Variants in VRK1 observed in about 807,000 individuals in gnomAD.
VRK1 encodes the protein VRK serine/threonine kinase 1, also known as serine/threonine-protein kinase VRK1.
VRK1 carries 33 observed loss-of-function variants against 57.1 expected under a neutral mutation model. That is an observed-to-expected ratio of 0.58 (90% CI 0.44 to 0.77). VRK1 has a LOEUF of 0.77. Among genes scored for constraint, VRK1 ranks in the 30% least tolerant of loss-of-function variants. The pLI is 0.00. For missense variants in VRK1, 413 were observed against 477.3 expected, an observed-to-expected ratio of 0.87 and a Z score of 1.25; for synonymous variants, 137 against 147.8, an observed-to-expected ratio of 0.93 and a Z score of 0.53.
intron 11 of VRK1, 85 bp downstream of exon 11, chr14:96,860,820 A>G (rs749231915): frequency 8.4e-5 from 122 of 1,447,962 alleles, no homozygotes; most frequent in Middle Eastern, 2.1e-4. Context: ...CAGTAGTTCA[A>G]TGAAGAACAA....
At chr14:96,863,180 AAC>A (rs1363109819) in intron 11 of VRK1, among the ~76,000 whole-genome samples, 2 of 152,234 alleles carry the variant, frequency 1.3e-5, no homozygotes, top group African/African-American at 4.8e-5. Flanking sequence ...GCTGAAGGAG[AAC>A]AGAGAGATCA....
At chr14:96,797,840 C>T (rs1326392213) in intron 1 of VRK1, among the ~76,000 whole-genome samples, 1 of 152,244 alleles carries the variant, frequency 6.6e-6, no homozygotes, top group East Asian at 1.9e-4. Context: ...GAGGCCCCTG[C>T]CCCGCAGAGC....
intron 2 of VRK1, among the ~76,000 whole-genome samples, chr14:96,833,909 C>T (rs17094508): frequency 2.0e-5 from 3 of 152,122 alleles, no homozygotes; most frequent in Non-Finnish European, 2.9e-5. Context: ...TCTTTTGAGA[C>T]CCAAAGAAAC....
At chr14:96,838,785 T>C (rs1420258833) in intron 3 of VRK1, among the ~76,000 whole-genome samples, 2 of 152,166 alleles carry the variant, frequency 1.3e-5, no homozygotes, top group Non-Finnish European at 2.9e-5. Flanking sequence ...ACTCTGAAGG[T>C]TTTCATTTTG....
rs772730428 is a variant in VRK1, at chr14:96,855,262, C to T, written c.615C>T (p.Cys205=). ...LVDYGLAYRY[C]PEGVHKEYKE... ...ATTATGGCCTTGCTTATCGGTACTG[C>T]CCAGAAGGAGTTCATAAAGAATACA... The change falls in exon 8 of 13, where the codon TGC becomes TGT. Residue 205 remains cysteine (C), a synonymous_variant. Transcript: ENST00000216639. The T allele has an allele frequency of 3.1e-6, 5 of 1,613,878 alleles. No individual in the cohort carries two copies. The highest frequency in any genetic ancestry group is 4.2e-6 in the Non-Finnish European group (5 of 1,179,932).
chr14:96,878,940 C>T (rs1005826201), intron 12 of VRK1, among the ~76,000 whole-genome samples: 1 of 152,102 alleles, frequency 6.6e-6, no homozygotes, highest in Non-Finnish European at 1.5e-5. Flanking sequence ...TTTCCCCCCT[C>T]CTGTTCATAA....
intron 2 of VRK1, among the ~76,000 whole-genome samples, chr14:96,835,749 T>C (rs1239471528): frequency 6.6e-6 from 1 of 152,202 alleles, no homozygotes; most frequent in Admixed American, 6.5e-5. Context: ...TCCTATTGCT[T>C]TACCTGGGTG....
chr14:96,869,792 G>A (rs1484906537), intron 11 of VRK1, among the ~76,000 whole-genome samples: 1 of 152,010 alleles, frequency 6.6e-6, no homozygotes, highest in Non-Finnish European at 1.5e-5. Context: ...TTCTGCCTGC[G>A]TGTTTAGGAA....
chr14:96,810,559 T>C (rs979375995), intron 1 of VRK1, among the ~76,000 whole-genome samples: 20 of 152,210 alleles, frequency 1.3e-4, no homozygotes, highest in Admixed American at 3.9e-4. Flanking sequence ...ACAGGTGGCA[T>C]TGGGTCTGTT....
At chr14:96,800,315 C>T (rs1484962978) in intron 1 of VRK1, among the ~76,000 whole-genome samples, 2 of 152,044 alleles carry the variant, frequency 1.3e-5, no homozygotes, top group Non-Finnish European at 1.5e-5. Context: ...ATGCACTTTC[C>T]CAATTACTCC....
chr14:96,799,326 C>CT (rs139450664), intron 1 of VRK1, among the ~76,000 whole-genome samples: 6,771 of 147,282 alleles, frequency 0.046, 205 homozygotes, highest in South Asian at 0.097. Context: ...AATAGGCCAG[C>CT]TTTTTTTTTT....
chr14:96,817,601 C>G (rs1351637188), intron 1 of VRK1, among the ~76,000 whole-genome samples: 2 of 151,944 alleles, frequency 1.3e-5, no homozygotes, highest in African/African-American at 4.8e-5. Context: ...TAGAGCCCTG[C>G]CCCAAGACTA....
intron 1 of VRK1, among the ~76,000 whole-genome samples, chr14:96,825,961 TTG>T (rs1486889701): frequency 6.6e-6 from 1 of 152,138 alleles, no homozygotes; most frequent in Non-Finnish European, 1.5e-5. Context: ...ATTTTCCAGT[TTG>T]TGTATGATGA....
intron 1 of VRK1, among the ~76,000 whole-genome samples, chr14:96,805,440 A>G (rs1885834177): frequency 6.6e-6 from 1 of 152,218 alleles, no homozygotes; most frequent in African/African-American, 2.4e-5. Flanking sequence ...ATTCATGAGC[A>G]AAAGTACTCA....
At chr14:96,881,053 A>G (rs1889239128) in intron 12 of VRK1, 124 bp from the exon 13 acceptor site, 1 of 871,856 alleles carries the variant, frequency 1.1e-6, no homozygotes, top group Non-Finnish European at 1.7e-6. Context: ...TTATCTTTGC[A>G]AATCACGAGA....
intron 11 of VRK1, among the ~76,000 whole-genome samples, chr14:96,870,090 T>C (rs1434237732): frequency 6.6e-6 from 1 of 152,210 alleles, no homozygotes; most frequent in African/African-American, 2.4e-5. Context: ...GGTAATAGGA[T>C]ATTGACCCTT....
Position 96,800,514 on chromosome 14 carries a change from C to T in VRK1, c.-6+3067C>T, listed in dbSNP as rs547377495. On this transcript the variant is annotated intron_variant, in intron 1 of 12. Coordinates refer to ENST00000216639, the MANE Select transcript of VRK1 (RefSeq NM_003384.3). The stretch of plus-strand genomic sequence containing the variant: ...GATTTTTAGTATTCATCAATAAATA[C>T]TGATGAGAAGAAACTGCTCTACTTT... Among the ~76,000 whole-genome samples, 11 of 152,236 alleles carry T rather than the reference C, an allele frequency of 7.2e-5. No individual in the cohort carries two copies. The South Asian group carries it at 2.3e-3, about 32-fold the overall frequency.
At chr14:96,838,881 T>TA (rs953656015) in intron 3 of VRK1, among the ~76,000 whole-genome samples, 2 of 151,344 alleles carry the variant, frequency 1.3e-5, no homozygotes, top group African/African-American at 4.8e-5. Flanking sequence ...TAAACTTTTT[T>TA]AAAAAAATTG....
At chr14:96,810,723 G>A (rs1886158689) in intron 1 of VRK1, among the ~76,000 whole-genome samples, 1 of 152,138 alleles carries the variant, frequency 6.6e-6, no homozygotes, top group Non-Finnish European at 1.5e-5. Flanking sequence ...TTTTCATTCT[G>A]ACTGTGGTTT....
Sources: allele counts gnomAD v4.1 joint callset (sites outside exome capture counted in the v4.1 genomes callset), GRCh38; gene constraint gnomAD v4.1.1; transcripts MANE v1.5; gene names NCBI Gene and HGNC (gene_info 2026-07-23, HGNC 2026-07-21).